The following NCKAP1 variants were observed in gnomAD, a reference collection of about 807,000 sequenced individuals.
NCKAP1 encodes NCK associated protein 1, also known as nck-associated protein 1.
In NCKAP1, 21 loss-of-function variants were observed where a neutral mutation model predicts 151.2. The observed-to-expected ratio is 0.14, with a 90% CI of 0.10 to 0.20. NCKAP1 has a LOEUF of 0.20. Ranked by LOEUF, NCKAP1 falls within the 10% of genes least tolerant of loss-of-function variation. NCKAP1 has a pLI of 1.00. For missense variants in NCKAP1, 933 were observed against 1,352.1 expected (o/e 0.69, Z 4.86); for synonymous variants, 484 against 451.8 (o/e 1.07, Z -0.90).
At chr2:182,937,256 C>T (rs1696896972) in intron 24 of NCKAP1, among the ~76,000 whole-genome samples, 1 of 151,864 alleles carries the variant, frequency 6.6e-6, no homozygotes, top group South Asian at 2.1e-4. Context: ...CCTACAACCT[C>T]ATCTTGAATG....
rs1696578104 is a variant in NCKAP1 at position 182,923,123 on chromosome 2, A to G, written c.*2579T>C. 6.6e-6 allele frequency: 1 copy of G among 152,220 alleles called. No individual in the cohort carries two copies. The highest frequency in any genetic ancestry group is 2.4e-5 in the African/African-American group (1 of 41,468). 9.4% of individuals were successfully genotyped at this position (152,220 alleles called of 1,614,324 possible). On this transcript the variant is annotated 3_prime_UTR_variant, in exon 31 of 31. Transcript: ENST00000361354. ...CAGGCATCTAAAAATACTTGCTTAA[A>G]TAAGTGAATGAAAAAGCAGCAGAAA...
intron 23 of NCKAP1, among the ~76,000 whole-genome samples, 183 bp from the exon 24 acceptor site, chr2:182,942,346 AG>A (rs1321826873): frequency 1.3e-5 from 2 of 152,176 alleles, no homozygotes; most frequent in Non-Finnish European, 2.9e-5. Flanking sequence ...ATATAAGCTT[AG>A]TGTTTCCCTT....
chr2:182,937,114 CAAAAAAAAAAAAA>C (rs67087110), intron 24 of NCKAP1, among the ~76,000 whole-genome samples: 1 of 80,810 alleles, frequency 1.2e-5, no homozygotes, highest in Admixed American at 2.0e-4. Context: ...GACTGTCTCA[CAAAAAAAAAAAAA>C]AAAAAAAAAA....
Position 182,982,281 on chromosome 2 carries a change from CTAAT to C in NCKAP1, c.1208+536_1208+539del, listed in dbSNP as rs200874171. 3.2e-3 allele frequency among the ~76,000 whole-genome samples: 481 copies of C among 152,190 alleles called. 2 individuals carry two copies. Among genetic ancestry groups the C allele is most frequent in the East Asian group, 0.03 (156 of 5,188 alleles). ...TTAAAACTAAATTTGACTTTGCAGT[CTAAT>C]TAATATCATCTAATGATATATTACA... On this transcript the variant is annotated intron_variant, in intron 12 of 30. Coordinates refer to ENST00000361354, the MANE Select transcript of NCKAP1 (RefSeq NM_013436.5).
chr2:182,970,724 T>C (rs1697669909), intron 15 of NCKAP1, among the ~76,000 whole-genome samples: 1 of 152,172 alleles, frequency 6.6e-6, no homozygotes, highest in Non-Finnish European at 1.5e-5. Context: ...ATGCCTGCTT[T>C]CAACACTTTT....
At chr2:183,034,505 G>A (rs908299893) in intron 1 of NCKAP1, among the ~76,000 whole-genome samples, 6 of 151,646 alleles carry the variant, frequency 4.0e-5, no homozygotes, top group Non-Finnish European at 8.8e-5. Flanking sequence ...GGTAATGGTG[G>A]AGGAAAAGAA....
chr2:182,971,245 T>A (rs1384775071), intron 15 of NCKAP1, among the ~76,000 whole-genome samples: 5 of 150,560 alleles, frequency 3.3e-5, no homozygotes, highest in African/African-American at 1.2e-4. Flanking sequence ...ATACAAAAAA[T>A]TAGCCGGGCG....
At chr2:182,999,311 C>G (rs1698333302) in intron 6 of NCKAP1, among the ~76,000 whole-genome samples, 1 of 152,036 alleles carries the variant, frequency 6.6e-6, no homozygotes, top group African/African-American at 2.4e-5. Context: ...AATCAAACCA[C>G]CCCACTAAAA....
At chr2:182,975,603 ATTTATT>A (rs1048865844) in intron 15 of NCKAP1, among the ~76,000 whole-genome samples, 1 of 152,134 alleles carries the variant, frequency 6.6e-6, no homozygotes, top group Non-Finnish European at 1.5e-5. Flanking sequence ...AATTTTATTT[ATTTATT>A]TTTAACAGCA....
intron 15 of NCKAP1, among the ~76,000 whole-genome samples, chr2:182,972,733 T>A (rs1205397550): frequency 6.6e-6 from 1 of 152,134 alleles, no homozygotes; most frequent in Non-Finnish European, 1.5e-5. Flanking sequence ...AAAAATGAAA[T>A]CCTGTCTGTT....
chr2:182,934,527 A>G (rs1696833852), intron 26 of NCKAP1: 1 of 302,024 alleles, frequency 3.3e-6, no homozygotes, highest in Non-Finnish European at 6.1e-6. Context: ...TTTTTAGTCA[A>G]TTTTGCATTG....
At chr2:182,948,468 TAA>T (rs971385017) in intron 23 of NCKAP1, among the ~76,000 whole-genome samples, 7 of 152,246 alleles carry the variant, frequency 4.6e-5, no homozygotes, top group African/African-American at 1.7e-4. Flanking sequence ...CTCCAAAATA[TAA>T]GAGAGAAATG....
intron 25 of NCKAP1, among the ~76,000 whole-genome samples, 194 bp downstream of exon 25, chr2:182,935,099 C>A (rs967857464): frequency 5.3e-5 from 8 of 152,136 alleles, no homozygotes; most frequent in Non-Finnish European, 1.2e-4. Flanking sequence ...GCAAGTTATA[C>A]TCTGCAAGCA....
In NCKAP1 at chr2:183,009,267, C is replaced by G. The variant is rs1420678394; in HGVS notation, c.220-5942G>C. On this transcript the variant is annotated intron_variant, in intron 2 of 30. Transcript: ENST00000361354. ...TTAGCCACCTGTGGTCCCAGCTACT[C>G]TGGAGGCTGAGGTAAGAGAATCACT... is the stretch of plus-strand genomic sequence containing the variant. 5.9e-5 allele frequency among the ~76,000 whole-genome samples: 9 copies of G among 151,648 alleles called. 1 individual carries two copies. The highest frequency in any genetic ancestry group is 6.8e-3 in the Middle Eastern group (2 of 294).
rs980540250 is a variant in NCKAP1, at chr2:182,920,667, C to G, written c.*5035G>C. The G allele has an allele frequency of 2.0e-5, 3 of 152,134 alleles. No individual in the cohort carries two copies. The highest frequency in any genetic ancestry group is 2.0e-4 in the Admixed American group (3 of 15,268). 9.4% of individuals were successfully genotyped at this position (152,134 alleles called of 1,614,324 possible). On this transcript the variant is annotated 3_prime_UTR_variant, in exon 31 of 31. Coordinates refer to ENST00000361354, the MANE Select transcript of NCKAP1 (RefSeq NM_013436.5). ...CTTTGTCCTCACGTGGTGGTTGGGG[C>G]AAGTCGGCTGTCTGGGGCCCCTTTT...
At chr2:183,032,980 C>T (rs1179625338) in intron 1 of NCKAP1, among the ~76,000 whole-genome samples, 1 of 152,126 alleles carries the variant, frequency 6.6e-6, no homozygotes, top group African/African-American at 2.4e-5. Context: ...AGCCAGGAGG[C>T]AGAGGCTGCA....
chr2:182,930,277 T>G (rs890661661), intron 27 of NCKAP1, among the ~76,000 whole-genome samples: 2 of 152,060 alleles, frequency 1.3e-5, no homozygotes, highest in African/African-American at 4.8e-5. Flanking sequence ...TACCACCAAT[T>G]AACTCTACAT....
At chr2:182,955,729 A>C (rs1041618619) in intron 20 of NCKAP1, among the ~76,000 whole-genome samples, 1 of 152,194 alleles carries the variant, frequency 6.6e-6, no homozygotes, top group Non-Finnish European at 1.5e-5. Context: ...ACATTTCACG[A>C]AGCAATATAT....
intron 15 of NCKAP1, among the ~76,000 whole-genome samples, chr2:182,972,671 T>C (rs759866038): frequency 4.6e-5 from 7 of 152,160 alleles, no homozygotes; most frequent in Non-Finnish European, 7.4e-5. Flanking sequence ...CCCAAGTGTC[T>C]ATCAATAGAT....
Sources: allele counts gnomAD v4.1 joint callset (sites outside exome capture counted in the v4.1 genomes callset), GRCh38; gene constraint gnomAD v4.1.1; transcripts MANE v1.5; gene names NCBI Gene and HGNC (gene_info 2026-07-23, HGNC 2026-07-21).